IGSF11: variants seen among roughly 807,000 people sequenced by gnomAD.
IGSF11 encodes immunoglobulin superfamily member 11.
In IGSF11, 22 loss-of-function variants were observed where a neutral mutation model predicts 41.0. That is an observed-to-expected ratio of 0.54 (90% CI 0.38 to 0.77). The LOEUF is 0.77. Ranked by LOEUF, IGSF11 falls within the 30% of genes least tolerant of loss-of-function variation. IGSF11 has a pLI of 0.00. For synonymous variants in IGSF11, 219 were observed against 201.3 expected, an observed-to-expected ratio of 1.09 and a Z score of -0.74; for missense variants, 444 against 530.8, an observed-to-expected ratio of 0.84 and a Z score of 1.61.
At chr3:118,955,247 C>T (rs978073867) in intron 1 of IGSF11, among the ~76,000 whole-genome samples, 5 of 148,438 alleles carry the variant, frequency 3.4e-5, no homozygotes, top group African/African-American at 1.2e-4. Context: ...CACACACACA[C>T]ACACACATAC....
At chr3:118,991,099 C>T (rs775926670) in intron 1 of IGSF11, among the ~76,000 whole-genome samples, 14 of 152,090 alleles carry the variant, frequency 9.2e-5, no homozygotes, top group Non-Finnish European at 1.8e-4. Flanking sequence ...CTTAGGGAGC[C>T]CATAAAACTC....
At chr3:119,070,524 T>C (rs1477070772) in intron 1 of IGSF11, among the ~76,000 whole-genome samples, 1 of 152,258 alleles carries the variant, frequency 6.6e-6, no homozygotes, top group Non-Finnish European at 1.5e-5. Flanking sequence ...TAAAATCGTG[T>C]CCTATCTGGA....
intron 1 of IGSF11, among the ~76,000 whole-genome samples, chr3:118,965,951 C>T (rs966821133): frequency 1.4e-4 from 21 of 150,580 alleles, no homozygotes; most frequent in African/African-American, 5.1e-4. Context: ...CAGTTCATAG[C>T]GTTCAGAAAA....
intron 4 of IGSF11, among the ~76,000 whole-genome samples, chr3:118,917,100 T>A (rs928389031): frequency 6.6e-6 from 1 of 151,898 alleles, no homozygotes; most frequent in African/African-American, 2.4e-5. Flanking sequence ...TGGGACGCAT[T>A]CAAAGCAGTG....
At chr3:118,988,798 T>G (rs893073378) in intron 1 of IGSF11, among the ~76,000 whole-genome samples, 6 of 152,226 alleles carry the variant, frequency 3.9e-5, no homozygotes, top group Non-Finnish European at 8.8e-5. Flanking sequence ...CAAAGAACTG[T>G]TTTATCACTT....
At chr3:118,943,989 A>G (rs1277819560) in intron 1 of IGSF11, among the ~76,000 whole-genome samples, 1 of 152,250 alleles carries the variant, frequency 6.6e-6, no homozygotes, top group Non-Finnish European at 1.5e-5. Flanking sequence ...AGGATGTTAC[A>G]TTCTGAAACC....
At chr3:118,920,210 T>C (rs1576367993) in intron 4 of IGSF11, among the ~76,000 whole-genome samples, 1 of 150,306 alleles carries the variant, frequency 6.7e-6, no homozygotes, top group Non-Finnish European at 1.5e-5. Context: ...TGTATACATA[T>C]GTAACTAACC....
At chr3:119,109,199 G>A (rs1212034686), upstream of IGSF11, among the ~76,000 whole-genome samples, 4 of 144,866 alleles carry the variant, frequency 2.8e-5, no homozygotes, top group African/African-American at 1.0e-4. Flanking sequence ...GTAGAATTCG[G>A]CTGTGAATCC....
upstream of IGSF11, among the ~76,000 whole-genome samples, chr3:119,039,134 GC>G (rs931317217): frequency 6.6e-6 from 1 of 152,100 alleles, no homozygotes; most frequent in African/African-American, 2.4e-5. Context: ...AAATGACAGG[GC>G]CCGTGTTAGT....
intron 1 of IGSF11, among the ~76,000 whole-genome samples, chr3:119,066,356 T>C (rs1942233038): frequency 6.6e-6 from 1 of 152,248 alleles, no homozygotes; most frequent in Admixed American, 6.5e-5. Context: ...TATAGTCTTT[T>C]TTGGATTTAC....
At chr3:118,993,454 GA>G (rs1223311875) in intron 1 of IGSF11, among the ~76,000 whole-genome samples, 1 of 152,156 alleles carries the variant, frequency 6.6e-6, no homozygotes, top group African/African-American at 2.4e-5. Flanking sequence ...ACAGTTTGGC[GA>G]TTAAACAGAG....
intron 1 of IGSF11, among the ~76,000 whole-genome samples, chr3:119,032,096 TAGAAAC>T (rs1217434161): frequency 1.3e-5 from 2 of 152,130 alleles, no homozygotes; most frequent in Non-Finnish European, 1.5e-5. Flanking sequence ...TAAACAGAAA[TAGAAAC>T]AGAAATTTAT....
chr3:118,989,616 A>G (rs1331007343), intron 1 of IGSF11, among the ~76,000 whole-genome samples: 1 of 151,988 alleles, frequency 6.6e-6, no homozygotes, highest in African/African-American at 2.4e-5. Flanking sequence ...GGCCTCCCAA[A>G]CTGCTGAGAT....
chr3:119,099,493 A>G (rs1325841377), intron 1 of IGSF11, among the ~76,000 whole-genome samples: 1 of 152,226 alleles, frequency 6.6e-6, no homozygotes, highest in Non-Finnish European at 1.5e-5. Flanking sequence ...CCCAAAGTAA[A>G]TGGTAGATGA....
At chr3:119,047,986 A>G (rs1223036536) in intron 1 of IGSF11, among the ~76,000 whole-genome samples, 8 of 152,174 alleles carry the variant, frequency 5.3e-5, no homozygotes, top group Non-Finnish European at 7.3e-5. Context: ...TCTCTGGGAT[A>G]CATTCAAAGC....
intron 1 of IGSF11, among the ~76,000 whole-genome samples, chr3:119,099,035 G>T (rs1391821273): frequency 6.6e-6 from 1 of 152,076 alleles, no homozygotes; most frequent in Non-Finnish European, 1.5e-5. Context: ...TTTAAAATAT[G>T]CCCCAATTAT....
chr3:119,010,025 A>T (rs531508084), intron 1 of IGSF11, among the ~76,000 whole-genome samples: 86 of 152,368 alleles, frequency 5.6e-4, no homozygotes, highest in South Asian at 4.2e-3. Context: ...GAGTAGAAGC[A>T]TAATAAACAA....
intron 1 of IGSF11, among the ~76,000 whole-genome samples, chr3:118,985,124 G>A (rs1300795071): frequency 2.0e-5 from 3 of 152,128 alleles, no homozygotes; most frequent in Non-Finnish European, 4.4e-5. Context: ...CAGAATATAT[G>A]CTGAGCCACA....
chr3:119,074,515 T>G (rs2076459109), intron 1 of IGSF11, among the ~76,000 whole-genome samples: 1 of 151,358 alleles, frequency 6.6e-6, no homozygotes, highest in African/African-American at 2.4e-5. Flanking sequence ...GTTAAAGCAG[T>G]GTTAAGAGGA....
Sources: gnomAD v4.1 joint callset for allele counts (sites outside exome capture counted in the v4.1 genomes callset) on GRCh38, gnomAD v4.1.1 for gene constraint, MANE v1.5 for transcripts, NCBI Gene and HGNC (gene_info 2026-07-23, HGNC 2026-07-21) for gene names.